Variants in MPHOSPH10 observed in about 807,000 individuals in gnomAD.
MPHOSPH10 encodes U3 small nucleolar ribonucleoprotein MPP10.
MPHOSPH10 carries 33 observed loss-of-function variants against 77.3 expected under a neutral mutation model. The observed-to-expected ratio is 0.43, with a 90% CI of 0.32 to 0.57. The LOEUF is 0.57. Ranked by LOEUF, MPHOSPH10 falls within the 20% of genes least tolerant of loss-of-function variation. The pLI is 0.07. For synonymous variants in MPHOSPH10, 245 were observed against 268.0 expected (o/e 0.91, Z 0.84); for missense variants, 708 against 780.1 (o/e 0.91, Z 1.10).
chr2:71,139,800 GT>G lies in MPHOSPH10; in HGVS notation c.1247del (p.Val416GlyfsTer18). The part of the protein sequence containing the change: ...HFDHAVRMAP[V>X]ITEETTLQLE... The stretch of plus-strand genomic sequence containing the variant: ...AAACGTTGTATATCCTTTAGCACCT[GT>G]GATTACAGAGGAAACCACCCTTCAA... On this transcript the variant is annotated frameshift_variant, in exon 6 of 11. Coordinates refer to ENST00000244230, the MANE Select transcript of MPHOSPH10 (RefSeq NM_005791.3). LOFTEE classifies it high-confidence loss of function. The G allele has an allele frequency of 6.2e-7, 1 of 1,607,956 alleles. No homozygotes were observed. The highest frequency in any genetic ancestry group is 8.5e-7 in the Non-Finnish European group (1 of 1,175,854).
intron 4 of MPHOSPH10, among the ~76,000 whole-genome samples, chr2:71,135,833 G>C (rs922612699): frequency 1.3e-5 from 2 of 151,280 alleles, no homozygotes; most frequent in Non-Finnish European, 2.9e-5. Context: ...CTCCTGAGTA[G>C]TTGGGATTAC....
At chr2:71,134,517 G>A (rs1673449114) in intron 3 of MPHOSPH10, 109 bp from the exon 4 acceptor site, 4 of 951,152 alleles carry the variant, frequency 4.2e-6, no homozygotes, top group Non-Finnish European at 6.2e-6. Flanking sequence ...TGAGTATTTG[G>A]TTGCATTAGG....
In MPHOSPH10 at chr2:71,149,847, G is replaced by A. The variant is rs775648425; in HGVS notation, c.1897-19G>A. ...TAAGTACATTTTACAGCATAAGCAT[G>A]TGGTGTTTTTAATTGCAGGATGAAG... is the stretch of plus-strand genomic sequence containing the variant. On this transcript the variant is annotated intron_variant, in intron 10 of 10. Transcript: ENST00000244230. 15 of 1,521,260 alleles carry A rather than the reference G, an allele frequency of 9.9e-6. No homozygotes were observed. The highest frequency in any genetic ancestry group is 1.3e-5 in the Non-Finnish European group (15 of 1,142,732). 94.2% of individuals were successfully genotyped at this position (1,521,260 alleles called of 1,614,324 possible). A position where few individuals can be genotyped will look rare whatever the true frequency, so the allele number is the denominator to read the frequency against.
chr2:71,140,466 A>T (rs1673591468), intron 6 of MPHOSPH10, among the ~76,000 whole-genome samples: 1 of 152,120 alleles, frequency 6.6e-6, no homozygotes, highest in South Asian at 2.1e-4. Flanking sequence ...CATAAATGCA[A>T]CTGCCATTCA....
chr2:71,137,582 C>G (rs556614676), intron 4 of MPHOSPH10, among the ~76,000 whole-genome samples: 2 of 147,890 alleles, frequency 1.4e-5, no homozygotes, highest in Non-Finnish European at 3.0e-5. Flanking sequence ...TTGCTTGAGC[C>G]TAGGAGGTGG....
chr2:71,149,719 T>C, intron 10 of MPHOSPH10, 147 bp from the exon 11 acceptor site: 1 of 762,750 alleles, frequency 1.3e-6, no homozygotes, highest in Non-Finnish European at 2.1e-6. Flanking sequence ...AGAATACCTC[T>C]ATGCTAACTG....
chr2:71,144,383 T>C (rs772145476), intron 7 of MPHOSPH10, 45 bp from the exon 8 acceptor site: 9 of 1,374,480 alleles, frequency 6.5e-6, no homozygotes, highest in East Asian at 2.3e-5. Flanking sequence ...TCCTGTGATA[T>C]ATATCAAGTC....
At chr2:71,138,320 A>G (rs1673535271) in intron 4 of MPHOSPH10, among the ~76,000 whole-genome samples, 170 bp from the exon 5 acceptor site, 1 of 152,230 alleles carries the variant, frequency 6.6e-6, no homozygotes, top group Non-Finnish European at 1.5e-5. Flanking sequence ...AGCTCACCCC[A>G]CCATAGGCAG....
intron 6 of MPHOSPH10, among the ~76,000 whole-genome samples, chr2:71,140,684 G>A (rs1673593776): frequency 6.6e-6 from 1 of 152,114 alleles, no homozygotes; most frequent in Non-Finnish European, 1.5e-5. Flanking sequence ...GAATTGATCT[G>A]ATTTTGTAAA....
At chr2:71,132,226 C>T (rs371220638) in intron 1 of MPHOSPH10, among the ~76,000 whole-genome samples, 2 of 152,180 alleles carry the variant, frequency 1.3e-5, no homozygotes, top group South Asian at 4.1e-4. Flanking sequence ...CCTCCTCCCT[C>T]GTCCCTTTCT....
chr2:71,134,824 A>G (rs1227103791), intron 4 of MPHOSPH10, 27 bp downstream of exon 4: 1 of 1,457,412 alleles, frequency 6.9e-7, no homozygotes, highest in African/African-American at 1.4e-5. Flanking sequence ...GGAATTTTTA[A>G]TATACTTGAT....
rs193256526 is a variant in MPHOSPH10, at chr2:71,143,594, A to G, written c.1447-834A>G. On this transcript the variant is annotated intron_variant, in intron 7 of 10. Coordinates refer to ENST00000244230, the MANE Select transcript of MPHOSPH10 (RefSeq NM_005791.3). ...TTTTATCAGCCCACAATAAAGCCCC[A>G]TACGCATTAAGCAGTTGCTACCCTT... Among the ~76,000 whole-genome samples, 127 of 152,288 alleles carry G rather than the reference A, an allele frequency of 8.3e-4. 2 individuals carry two copies. Among genetic ancestry groups the G allele is most frequent in the Non-Finnish European group, 9.7e-4 (66 of 68,000 alleles).
Position 71,141,372 on chromosome 2 carries a change from G to T in MPHOSPH10, c.1446+3G>T. 1 of 1,518,908 alleles carries T rather than the reference G, an allele frequency of 6.6e-7. No homozygotes were observed. The highest frequency in any genetic ancestry group is 1.4e-5 in the South Asian group (1 of 73,622). The allele number at this position is 1,518,908 out of a possible 1,614,324, so 94.1% of individuals were successfully genotyped here. ...AGGAGTACATCAAACTCAACCAGGTGAGGAAGCCTGTAAGGCCAAGCCATT... is the reference window on the plus strand; with the variant it reads ...AGGAGTACATCAAACTCAACCAGGTTAGGAAGCCTGTAAGGCCAAGCCATT... On this transcript the variant is annotated splice_donor_region_variant and intron_variant, in intron 7 of 10. Coordinates refer to ENST00000244230, the MANE Select transcript of MPHOSPH10 (RefSeq NM_005791.3).
chr2:71,149,540 A>T, intron 10 of MPHOSPH10, 87 bp downstream of exon 10: 1 of 1,235,398 alleles, frequency 8.1e-7, no homozygotes, highest in Non-Finnish European at 1.2e-6. Flanking sequence ...TGTCTGAGCC[A>T]GCTGACAGCC....
intron 1 of MPHOSPH10, 126 bp downstream of exon 1, chr2:71,130,880 T>G (rs1250767189): frequency 2.2e-6 from 2 of 895,608 alleles, no homozygotes; most frequent in African/African-American, 1.7e-5. Context: ...TTCCCCAAAT[T>G]TCAGAGTTTA....
At chr2:71,130,787 C>G (rs2103655823) in intron 1 of MPHOSPH10, 33 bp downstream of exon 1, 1 of 1,578,282 alleles carries the variant, frequency 6.3e-7, no homozygotes, top group Non-Finnish European at 8.6e-7. Flanking sequence ...CGGGGTGCGA[C>G]CGGGGTCTCA....
In MPHOSPH10 at chr2:71,139,836, A is replaced by G; in HGVS notation, c.1282A>G (p.Ile428Val). ...TEETTLQLED[I>V]IKQRIRDQAW... Reference sequence around the variant, plus strand: ...GGAAACCACCCTTCAACTGGAAGATATCATTAAACAGAGGATAAGAGATCA... The same window carrying G: ...GGAAACCACCCTTCAACTGGAAGATGTCATTAAACAGAGGATAAGAGATCA... Residue 428 changes from isoleucine to valine, a missense_variant, in exon 6 of 11, where the codon ATC becomes GTC. Physicochemically the swap from Ile to Val is conservative, Grantham distance 29. Around this residue, in one of 3 missense-constraint regions of MPHOSPH10, gnomAD observed 263 missense variants for 320.0 expected, o/e 0.82. Coordinates refer to ENST00000244230, the MANE Select transcript of MPHOSPH10 (RefSeq NM_005791.3). The G allele has an allele frequency of 6.2e-7, 1 of 1,608,600 alleles. No individual in the cohort carries two copies. The highest frequency in any genetic ancestry group is 8.5e-7 in the Non-Finnish European group (1 of 1,177,830).
At position 71,138,608 on chromosome 2, in the gene MPHOSPH10, A is replaced by G. The variant is rs1472182868; in HGVS notation, c.1217A>G (p.His406Arg). ...PENSLLEETL[H>R]FDHAVRMAPV... ...AACAGCCTCCTGGAGGAGACCCTAC[A>G]CTTTGACCATGCTGTCCGGATGGGT... The change falls in exon 5 of 11, where the codon CAC becomes CGC. Residue 406 changes from histidine to arginine, a missense_variant. By Grantham distance (29) the His-to-Arg change is conservative. Around this residue, in one of 3 missense-constraint regions of MPHOSPH10, gnomAD observed 263 missense variants for 320.0 expected, o/e 0.82. Transcript: ENST00000244230. 6.2e-7 allele frequency: 1 copy of G among 1,614,042 alleles called. No individual in the cohort carries two copies. Among genetic ancestry groups the G allele is most frequent in the Admixed American group, 1.7e-5 (1 of 59,994 alleles).
intron 4 of MPHOSPH10, 78 bp downstream of exon 4, chr2:71,134,875 C>A: frequency 1.7e-6 from 2 of 1,204,826 alleles, no homozygotes; most frequent in Non-Finnish European, 2.4e-6. Flanking sequence ...CCTTTGAAAA[C>A]AAATATCTTG....
Sources: allele counts gnomAD v4.1 joint callset (sites outside exome capture counted in the v4.1 genomes callset), GRCh38; gene constraint gnomAD v4.1.1; regional missense constraint gnomAD v4.1.1; transcripts MANE v1.5; gene names NCBI Gene and HGNC (gene_info 2026-07-23, HGNC 2026-07-21).